The following TEX14 variants were observed in gnomAD, a reference collection of about 807,000 sequenced individuals.
TEX14 encodes testis expressed 14, intercellular bridge forming factor.
Under a neutral mutation model 178.6 loss-of-function variants are expected in TEX14, and 168 were observed. The observed-to-expected ratio is 0.94, with a 90% CI of 0.83 to 1.07. The LOEUF is 1.07. Among genes scored for constraint, TEX14 ranks in the 50% least tolerant of loss-of-function variants. The pLI is 0.00. For synonymous variants in TEX14, 626 were observed against 634.1 expected (o/e 0.99, Z 0.19); for missense variants, 1,730 against 1,753.6 (o/e 0.99, Z 0.24).
At chr17:58,630,233 T>C (rs1210623094) in intron 3 of TEX14, among the ~76,000 whole-genome samples, 1 of 140,336 alleles carries the variant, frequency 7.1e-6, no homozygotes, top group Non-Finnish European at 1.7e-5. Flanking sequence ...ATTTTTTGTA[T>C]TTTTAGTAGA....
At chr17:58,663,422 C>CAAA (rs764235419) in intron 1 of TEX14, among the ~76,000 whole-genome samples, 2 of 57,836 alleles carry the variant, frequency 3.5e-5, no homozygotes, top group Non-Finnish European at 3.5e-5. Context: ...AACTCCGTCT[C>CAAA]AAAAAAAAAA....
At chr17:58,604,501 A>AT (rs1468678666) in intron 11 of TEX14, among the ~76,000 whole-genome samples, 2 of 151,168 alleles carry the variant, frequency 1.3e-5, no homozygotes, top group South Asian at 2.1e-4. Context: ...ATAAAAATAA[A>AT]TTTTTTTAGT....
At chr17:58,680,305 C>A (rs1387847861) in intron 1 of TEX14, among the ~76,000 whole-genome samples, 1 of 152,170 alleles carries the variant, frequency 6.6e-6, no homozygotes. Context: ...AAAATCCAGT[C>A]TACATATCTG....
At chr17:58,587,794 C>G (rs553463249) in intron 16 of TEX14, 102 bp downstream of exon 16, 3 of 1,205,948 alleles carry the variant, frequency 2.5e-6, no homozygotes, top group Non-Finnish European at 3.7e-6. Context: ...ACTCCCTAAG[C>G]CATTCCTAGA....
At position 58,636,912 on chromosome 17, in the gene TEX14, C is replaced by CA. The variant is rs1372655315; in HGVS notation, c.137-6359dup. On this transcript the variant is annotated intron_variant, in intron 2 of 31. Transcript: ENST00000349033. ...TGGGCGACAGAGTGAGACTCTGTCT[C>CA]AAAAAAAAAAGAAGAAAGAAAGATT... 2.4e-3 allele frequency among the ~76,000 whole-genome samples: 346 copies of CA among 143,412 alleles called. 2 individuals are homozygous for CA. Among genetic ancestry groups the CA allele is most frequent in the South Asian group, 5.1e-3 (23 of 4,502 alleles). 94.1% of individuals were successfully genotyped at this position (143,412 alleles called of 152,430 possible).
At chr17:58,613,612 C>A in intron 8 of TEX14, 68 bp from the exon 9 acceptor site, 1 of 1,502,822 alleles carries the variant, frequency 6.7e-7, no homozygotes, top group Non-Finnish European at 9.1e-7. Context: ...TGAGCGTAGG[C>A]CTTTTGAACA....
intron 28 of TEX14, among the ~76,000 whole-genome samples, chr17:58,563,807 C>CACAG (rs1025227903): frequency 1.4e-5 from 2 of 139,164 alleles, no homozygotes; most frequent in African/African-American, 5.3e-5. Flanking sequence ...TATACACACA[C>CACAG]ACAGACACAC....
chr17:58,624,341 CT>C lies in TEX14; in HGVS notation c.252-1330del, dbSNP rs34422419. Among the ~76,000 whole-genome samples the C allele has an allele frequency of 8.4e-3, 1,075 of 128,598 alleles. 8 individuals carry two copies. The highest frequency in any genetic ancestry group is 0.021 in the Admixed American group (260 of 12,172). 84.4% of individuals were successfully genotyped at this position (128,598 alleles called of 152,430 possible). A position where few individuals can be genotyped will look rare whatever the true frequency, so the allele number is the denominator to read the frequency against. On this transcript the variant is annotated intron_variant, in intron 3 of 31. Transcript: ENST00000349033. ...TACATATTTTCTTTTCTTTTCTTTT[CT>C]TTTTTTTTTTTTTTTGAGACGGAGT...
intron 3 of TEX14, among the ~76,000 whole-genome samples, chr17:58,623,804 G>A (rs986614421): frequency 2.8e-5 from 4 of 144,862 alleles, no homozygotes; most frequent in Admixed American, 7.0e-5. Context: ...TGAAGAAGAG[G>A]AGGAGGGGGA....
chr17:58,634,696 C>G (rs934631463), intron 2 of TEX14, among the ~76,000 whole-genome samples: 2 of 152,164 alleles, frequency 1.3e-5, no homozygotes, highest in African/African-American at 4.8e-5. Context: ...ATGGATCTCT[C>G]AGAGTTACGC....
chr17:58,601,996 C>T (rs2144483228), intron 12 of TEX14, 40 bp from the exon 13 acceptor site: 1 of 1,604,914 alleles, frequency 6.2e-7, no homozygotes, highest in South Asian at 1.1e-5. Flanking sequence ...TAGTCTCAGT[C>T]ATCCTGAATG....
intron 1 of TEX14, among the ~76,000 whole-genome samples, chr17:58,679,101 C>T (rs1475540220): frequency 1.3e-5 from 2 of 151,956 alleles, no homozygotes. Context: ...TTGCTGTGAG[C>T]TGAGATTGCG....
intron 26 of TEX14, 24 bp from the exon 27 acceptor site, chr17:58,565,848 G>A: frequency 6.3e-7 from 1 of 1,583,668 alleles, no homozygotes; most frequent in South Asian, 1.2e-5. Flanking sequence ...AAAGCCAAAG[G>A]AAACTTATTT....
chr17:58,640,644 T>TGTGTGA (rs1555577606), intron 2 of TEX14, among the ~76,000 whole-genome samples: 3,572 of 147,036 alleles, frequency 0.024, 80 homozygotes, highest in African/African-American at 0.065. Flanking sequence ...TGTGTGTGTG[T>TGTGTGA]GAGAGAGAGA....
intron 10 of TEX14, among the ~76,000 whole-genome samples, chr17:58,609,392 C>T (rs181970798): frequency 0.012 from 1,889 of 152,124 alleles, 24 homozygotes; most frequent in Non-Finnish European, 0.019. Context: ...TACAGGCATG[C>T]GCCACCACGC....
intron 11 of TEX14, among the ~76,000 whole-genome samples, chr17:58,603,477 C>T (rs1172627267): frequency 6.6e-6 from 1 of 151,284 alleles, no homozygotes; most frequent in Non-Finnish European, 1.5e-5. Flanking sequence ...ATCACTTGAA[C>T]CCAGGAGGTG....
chr17:58,566,402 C>T (rs897713222), intron 26 of TEX14, among the ~76,000 whole-genome samples: 2 of 152,184 alleles, frequency 1.3e-5, no homozygotes, highest in African/African-American at 2.4e-5. Flanking sequence ...TGCTCTTAAT[C>T]TCTATTTTAT....
At chr17:58,651,690 T>C (rs1043171101) in intron 2 of TEX14, among the ~76,000 whole-genome samples, 176 bp downstream of exon 2, 2 of 152,162 alleles carry the variant, frequency 1.3e-5, no homozygotes, top group African/African-American at 2.4e-5. Context: ...CAAAACATCC[T>C]CAAAATGAGG....
intron 22 of TEX14, among the ~76,000 whole-genome samples, chr17:58,573,970 GATT>G (rs952240833): frequency 5.3e-5 from 8 of 152,142 alleles, no homozygotes; most frequent in Admixed American, 4.6e-4. Flanking sequence ...TTATTATTAT[GATT>G]ATTATTATCA....
Sources: gnomAD v4.1 joint callset for allele counts (sites outside exome capture counted in the v4.1 genomes callset) on GRCh38, gnomAD v4.1.1 for gene constraint, MANE v1.5 for transcripts, NCBI Gene and HGNC (gene_info 2026-07-23, HGNC 2026-07-21) for gene names.